The following CCDC73 variants were observed in gnomAD, a reference collection of about 807,000 sequenced individuals.
CCDC73 encodes the protein coiled-coil domain-containing protein 73.
CCDC73 carries 95 observed loss-of-function variants against 116.5 expected under a neutral mutation model. The observed-to-expected ratio is 0.82, with a 90% CI of 0.69 to 0.97. CCDC73 has a LOEUF of 0.97. CCDC73 is among the 50% of genes least tolerant of loss of function. The pLI, the probability that CCDC73 is intolerant of heterozygous loss-of-function variation, is 0.00. For synonymous variants in CCDC73, 398 were observed against 401.3 expected (o/e 0.99, Z 0.10); for missense variants, 1,066 against 1,206.8 (o/e 0.88, Z 1.73).
intron 2 of CCDC73, among the ~76,000 whole-genome samples, chr11:32,747,688 T>A (rs568694325): frequency 1.6e-3 from 249 of 152,274 alleles, no homozygotes; most frequent in African/African-American, 5.7e-3. Flanking sequence ...AATTTCAGCA[T>A]CCCAGGTCAA....
At chr11:32,829,746 G>A in the CCDC73 span, 2 of 984,806 alleles carry the variant, frequency 2.0e-6, no homozygotes, top group South Asian at 9.4e-5. Flanking sequence ...CCAAGGCGGG[G>A]CCAGAACTGG....
chr11:32,627,391 C>T (rs749230928), intron 14 of CCDC73, among the ~76,000 whole-genome samples: 1 of 152,188 alleles, frequency 6.6e-6, no homozygotes, highest in Non-Finnish European at 1.5e-5. Context: ...ACTAGTTCAA[C>T]CACTGTGGAA....
chr11:32,759,602 C>T (rs1183982999), intron 2 of CCDC73, among the ~76,000 whole-genome samples: 1 of 152,098 alleles, frequency 6.6e-6, no homozygotes, highest in Non-Finnish European at 1.5e-5. Flanking sequence ...CAATTTTATA[C>T]TAGACATATC....
chr11:32,678,470 A>G (rs1011541800), intron 7 of CCDC73, among the ~76,000 whole-genome samples: 1 of 152,208 alleles, frequency 6.6e-6, no homozygotes, highest in African/African-American at 2.4e-5. Flanking sequence ...ATGAATTAAT[A>G]TAAATAAAGC....
intron 6 of CCDC73, among the ~76,000 whole-genome samples, chr11:32,692,810 C>T (rs552510484): frequency 1.3e-5 from 2 of 152,172 alleles, no homozygotes; most frequent in Non-Finnish European, 2.9e-5. Context: ...AGAAAGAAAG[C>T]GTCTTACCAC....
At chr11:32,796,245 A>AT (rs1398917223), upstream of CCDC73, among the ~76,000 whole-genome samples, 3 of 152,202 alleles carry the variant, frequency 2.0e-5, no homozygotes, top group African/African-American at 7.2e-5. Context: ...ACAGAGATGA[A>AT]TTTTGTTCAC....
At chr11:32,618,675 C>T (rs929263263) in intron 14 of CCDC73, among the ~76,000 whole-genome samples, 1 of 152,168 alleles carries the variant, frequency 6.6e-6, no homozygotes, top group Non-Finnish European at 1.5e-5. Flanking sequence ...GCCTCAGCCT[C>T]CCAAGCAGTT....
upstream of CCDC73, among the ~76,000 whole-genome samples, chr11:32,798,915 T>TGGGG (rs35135170): frequency 2.0e-3 from 290 of 143,114 alleles, 1 homozygote; most frequent in Middle Eastern, 7.0e-3. Context: ...TTGTTTGTTT[T>TGGGG]GGGGGGGGGC....
chr11:32,639,335 CAG>C (rs1855711545), intron 13 of CCDC73, among the ~76,000 whole-genome samples: 1 of 152,182 alleles, frequency 6.6e-6, no homozygotes, highest in Non-Finnish European at 1.5e-5. Flanking sequence ...TCTGTCCCTG[CAG>C]AGTGTAAGCT....
chr11:32,747,970 C>T (rs1257582625), intron 2 of CCDC73, among the ~76,000 whole-genome samples: 1 of 152,210 alleles, frequency 6.6e-6, no homozygotes, highest in Non-Finnish European at 1.5e-5. Flanking sequence ...CCAACCAGTC[C>T]CAACGAGATA....
At chr11:32,791,932 T>C (rs1328848432) in intron 1 of CCDC73, among the ~76,000 whole-genome samples, 2 of 150,536 alleles carry the variant, frequency 1.3e-5, no homozygotes, top group East Asian at 3.9e-4. Context: ...GCCACTGTAC[T>C]ACAGCCTGGG....
intron 17 of CCDC73, chr11:32,605,155 T>A (rs1351461537): frequency 6.7e-6 from 1 of 149,558 alleles, no homozygotes; most frequent in Non-Finnish European, 1.5e-5. Flanking sequence ...CCCGACCTAG[T>A]AATACTTTTT....
chr11:32,626,618 C>A (rs999615516), intron 14 of CCDC73, among the ~76,000 whole-genome samples: 19 of 152,148 alleles, frequency 1.2e-4, no homozygotes, highest in African/African-American at 3.9e-4. Flanking sequence ...GGTACTGGTA[C>A]CAAAACAGAG....
At chr11:32,701,663 G>C (rs1010390800) in intron 4 of CCDC73, among the ~76,000 whole-genome samples, 1 of 152,082 alleles carries the variant, frequency 6.6e-6, no homozygotes, top group Admixed American at 6.6e-5. Context: ...ACTCCAGCCT[G>C]GGCTACAGGG....
chr11:32,737,789 T>A (rs569112689), intron 2 of CCDC73, among the ~76,000 whole-genome samples: 2 of 150,928 alleles, frequency 1.3e-5, no homozygotes, highest in Admixed American at 1.3e-4. Context: ...TCTTATTCAG[T>A]CTTATTTTTT....
intron 14 of CCDC73, among the ~76,000 whole-genome samples, chr11:32,619,193 G>T (rs1855500726): frequency 6.6e-6 from 1 of 152,072 alleles, no homozygotes; most frequent in African/African-American, 2.4e-5. Context: ...GTCAATTTTT[G>T]TTTTTGTTGC....
chr11:32,667,158 C>T (rs897248365), intron 9 of CCDC73, among the ~76,000 whole-genome samples: 4 of 152,224 alleles, frequency 2.6e-5, no homozygotes, highest in South Asian at 2.1e-4. Context: ...TCTCAAACTC[C>T]GTGCTGGGAG....
At chr11:32,701,835 T>C (rs1366496464) in intron 4 of CCDC73, among the ~76,000 whole-genome samples, 1 of 152,176 alleles carries the variant, frequency 6.6e-6, no homozygotes, top group African/African-American at 2.4e-5. Flanking sequence ...ACTTCCCTAT[T>C]TCCTTTTTCA....
chr11:32,720,668 G>A (rs1241988101), intron 2 of CCDC73, among the ~76,000 whole-genome samples: 1 of 152,090 alleles, frequency 6.6e-6, no homozygotes, highest in Non-Finnish European at 1.5e-5. Context: ...ATTTAAGAAG[G>A]TCACAGGATA....
Sources: allele counts gnomAD v4.1 joint callset (sites outside exome capture counted in the v4.1 genomes callset), GRCh38; gene constraint gnomAD v4.1.1; transcripts MANE v1.5; gene names NCBI Gene and HGNC (gene_info 2026-07-23, HGNC 2026-07-21).